The following CRPPA variants were observed in gnomAD, a reference collection of about 807,000 sequenced individuals.
CRPPA encodes CDP-L-ribitol pyrophosphorylase A.
A neutral mutation model predicts 52.0 loss-of-function variants in CRPPA; 43 were observed. The observed-to-expected ratio is 0.83, with a 90% CI of 0.65 to 1.07. The LOEUF is 1.07. Ranked by LOEUF, CRPPA falls within the 50% of genes least tolerant of loss-of-function variation. The pLI, the probability that CRPPA is intolerant of heterozygous loss-of-function variation, is 0.00. For missense variants in CRPPA, 629 were observed against 551.7 expected (o/e 1.14, Z -1.40); for synonymous variants, 250 against 203.5 (o/e 1.23, Z -1.94).
At chr7:16,371,547 A>T (rs182179988) in intron 3 of CRPPA, among the ~76,000 whole-genome samples, 2 of 152,108 alleles carry the variant, frequency 1.3e-5, no homozygotes, top group African/African-American at 4.8e-5. Flanking sequence ...TTAAAAAAAA[A>T]CCCACAGTCC....
chr7:16,115,866 A>T (rs533309575), intron 9 of CRPPA, among the ~76,000 whole-genome samples: 7 of 152,308 alleles, frequency 4.6e-5, no homozygotes, highest in African/African-American at 1.7e-4. Flanking sequence ...ATTCAGATAG[A>T]TTAGATAGAT....
chr7:16,258,621 A>G (rs1783709881), intron 7 of CRPPA, 139 bp from the exon 8 acceptor site: 1 of 625,186 alleles, frequency 1.6e-6, no homozygotes, highest in African/African-American at 1.9e-5. Context: ...AAACAATTTT[A>G]AAGGATATCC....
At chr7:16,143,939 T>C (rs904353702) in intron 9 of CRPPA, among the ~76,000 whole-genome samples, 2 of 152,126 alleles carry the variant, frequency 1.3e-5, no homozygotes, top group Non-Finnish European at 2.9e-5. Flanking sequence ...AGGGGTATAT[T>C]AACAAGATGG....
At chr7:16,419,958 C>A (rs115627211) in intron 1 of CRPPA, among the ~76,000 whole-genome samples, 1 of 152,174 alleles carries the variant, frequency 6.6e-6, no homozygotes, top group South Asian at 2.1e-4. Flanking sequence ...ATTACTCTTT[C>A]TCCATTGCAA....
intron 8 of CRPPA, among the ~76,000 whole-genome samples, chr7:16,241,083 T>C (rs1783094059): frequency 6.6e-6 from 1 of 152,174 alleles, no homozygotes; most frequent in African/African-American, 2.4e-5. Flanking sequence ...ATTGATTCAG[T>C]TGCTGGCTCT....
chr7:16,125,660 T>G (rs1782564542), intron 9 of CRPPA, among the ~76,000 whole-genome samples: 1 of 152,160 alleles, frequency 6.6e-6, no homozygotes, highest in Admixed American at 6.5e-5. Flanking sequence ...AGTATATCTT[T>G]GAAAAAGAAA....
intron 9 of CRPPA, among the ~76,000 whole-genome samples, chr7:16,108,234 A>T (rs570167685): frequency 6.6e-6 from 1 of 152,138 alleles, no homozygotes; most frequent in South Asian, 2.1e-4. Flanking sequence ...CTAGAGACTT[A>T]CTTCACTTTT....
At chr7:16,245,547 C>A (rs1725706441) in intron 8 of CRPPA, among the ~76,000 whole-genome samples, 1 of 152,176 alleles carries the variant, frequency 6.6e-6, no homozygotes, top group South Asian at 2.1e-4. Flanking sequence ...TTACTGTACC[C>A]TTTCTAGTGA....
Position 16,258,467 on chromosome 7 carries a change from A to T in CRPPA, c.1042T>A (p.Phe348Ile), listed in dbSNP as rs199890239. The T allele has an allele frequency of 3.1e-6, 5 of 1,601,372 alleles. No individual in the cohort carries two copies. Among genetic ancestry groups the T allele is most frequent in the Non-Finnish European group, 4.3e-6 (5 of 1,173,318 alleles). ...FVCVNVTTSD[F>I]QETQKLLSML... Reference sequence around the variant, plus strand: ...CTCAGTAACTTCTGGGTTTCTTGAAAATCAGAGGTTGTAACCTAAAAGACC... The same window carrying T: ...CTCAGTAACTTCTGGGTTTCTTGAATATCAGAGGTTGTAACCTAAAAGACC... The change falls in exon 8 of 10, where the codon TTT becomes ATT. Residue 348 changes from phenylalanine (F) to isoleucine (I), a missense_variant. Coordinates refer to ENST00000407010, the MANE Select transcript of CRPPA (RefSeq NM_001101426.4).
chr7:16,217,650 G>T (rs1273218201), intron 8 of CRPPA, among the ~76,000 whole-genome samples: 8 of 146,376 alleles, frequency 5.5e-5, no homozygotes, highest in Non-Finnish European at 1.2e-4. Flanking sequence ...GAATGCAGAA[G>T]CCTCAGGAGC....
rs1785338052 is a variant in CRPPA, at chr7:16,324,622, A to T, written c.685-15995T>A. ...CACCTTGAAGGCACCTCTAGTACAG[A>T]TGGAGGGAAATAAATTGTACATTAC... On this transcript the variant is annotated intron_variant, in intron 3 of 9. Transcript: ENST00000407010. Among the ~76,000 whole-genome samples, 2 of 152,222 alleles carry T rather than the reference A, an allele frequency of 1.3e-5. 1 individual carries two copies. Among genetic ancestry groups the T allele is most frequent in the South Asian group, 4.1e-4 (2 of 4,832 alleles).
chr7:16,209,164 G>A (rs1050510686), intron 9 of CRPPA: 2 of 346,978 alleles, frequency 5.8e-6, no homozygotes, highest in East Asian at 7.6e-5. Context: ...AGTGCATTAA[G>A]CCCAGACCAA....
At position 16,421,157 on chromosome 7, in the gene CRPPA, A is replaced by C. The variant is rs1788326760; in HGVS notation, c.166T>G (p.Cys56Gly). 4.5e-6 allele frequency: 6 copies of C among 1,330,626 alleles called. No individual in the cohort carries two copies. The highest frequency in any genetic ancestry group is 5.8e-6 in the Non-Finnish European group (6 of 1,035,272). 82.4% of individuals were successfully genotyped at this position (1,330,626 alleles called of 1,614,324 possible). The stretch of plus-strand genomic sequence containing the variant: ...GTGGGGACCCCCATCCTCTCCCCGC[A>C]CCCCCCGGCAGGCAACACAGCTGCC... ...AVAAVLPAGGCGERMGVPTPK... is the reference protein window; with the variant it reads ...AVAAVLPAGGGGERMGVPTPK... Residue 56 changes from cysteine to glycine, a missense_variant, in exon 1 of 10, where the codon TGC (cysteine) becomes GGC (glycine). Coordinates refer to ENST00000407010, the MANE Select transcript of CRPPA (RefSeq NM_001101426.4).
At position 16,153,017 on chromosome 7, in the gene CRPPA, T is replaced by C. The variant is rs1406700116; in HGVS notation, c.1252-61218A>G. 3.3e-5 allele frequency among the ~76,000 whole-genome samples: 5 copies of C among 152,170 alleles called. No homozygotes were observed. In the South Asian group the frequency reaches 6.2e-4, roughly 19 times the overall value. On this transcript the variant is annotated intron_variant, in intron 9 of 9. Coordinates refer to ENST00000407010, the MANE Select transcript of CRPPA (RefSeq NM_001101426.4). The stretch of plus-strand genomic sequence containing the variant: ...ATTAGCCTAACTGTGATATCCTTAA[T>C]TGATAAAAAATGAATATTTGGGATT...
chr7:16,190,979 A>G (rs1204097486), intron 9 of CRPPA, among the ~76,000 whole-genome samples: 1 of 152,088 alleles, frequency 6.6e-6, no homozygotes, highest in Admixed American at 6.6e-5. Context: ...ATTCCATGGT[A>G]TGTATGTGTG....
chr7:16,106,588 T>C (rs1287901915), intron 9 of CRPPA, among the ~76,000 whole-genome samples: 1 of 152,214 alleles, frequency 6.6e-6, no homozygotes, highest in African/African-American at 2.4e-5. Context: ...CTGGGGTTGT[T>C]ACCAGCTGGC....
chr7:16,420,289 T>G (rs1404940273), intron 1 of CRPPA, among the ~76,000 whole-genome samples: 1 of 152,196 alleles, frequency 6.6e-6, no homozygotes, highest in African/African-American at 2.4e-5. Flanking sequence ...ATTATGTGGA[T>G]ATTTGTAATG....
chr7:16,156,731 C>T (rs987473052), intron 9 of CRPPA, among the ~76,000 whole-genome samples: 4 of 152,176 alleles, frequency 2.6e-5, no homozygotes, highest in South Asian at 4.1e-4. Flanking sequence ...TCATGTTAAA[C>T]GATCATAATA....
At chr7:16,281,146 T>C (rs551950462) in intron 5 of CRPPA, among the ~76,000 whole-genome samples, 1 of 152,286 alleles carries the variant, frequency 6.6e-6, no homozygotes, top group East Asian at 1.9e-4. Context: ...CACAAAAACA[T>C]CTGTTGAGTT....
Sources: allele counts gnomAD v4.1 joint callset (sites outside exome capture counted in the v4.1 genomes callset), GRCh38; gene constraint gnomAD v4.1.1; transcripts MANE v1.5; gene names NCBI Gene and HGNC (gene_info 2026-07-23, HGNC 2026-07-21).